Variants in ADTRP observed in about 807,000 individuals in gnomAD.
The protein encoded by ADTRP is androgen dependent TFPI regulating protein.
In ADTRP, 20 loss-of-function variants were observed where a neutral mutation model predicts 27.0. The ratio of observed to expected loss-of-function variants is 0.74; its 90% CI spans 0.52 to 1.08. The LOEUF is 1.08. Among genes scored for constraint, ADTRP ranks in the 50% least tolerant of loss-of-function variants. ADTRP has a pLI of 0.00. For synonymous variants in ADTRP, 101 were observed against 105.2 expected (o/e 0.96, Z 0.25); for missense variants, 251 against 275.0 (o/e 0.91, Z 0.62).
intron 3 of ADTRP, among the ~76,000 whole-genome samples, chr6:11,764,054 C>T (rs189632657): frequency 1.8e-4 from 27 of 152,342 alleles, no homozygotes; most frequent in African/African-American, 6.5e-4. Context: ...TCCTTTGACC[C>T]TTGCTCCTTT....
chr6:11,739,255 A>T (rs1440542691), intron 3 of ADTRP, among the ~76,000 whole-genome samples: 1 of 152,214 alleles, frequency 6.6e-6, no homozygotes, highest in Non-Finnish European at 1.5e-5. Context: ...AGGGGGTAAA[A>T]TATTTCCTTC....
rs78982925 is a variant in ADTRP, at chr6:11,741,953, T to C, written c.391-6270A>G. Among the ~76,000 whole-genome samples, 52 of 152,280 alleles carry C rather than the reference T, an allele frequency of 3.4e-4. No homozygotes were observed. In the East Asian group the frequency reaches 0.01, roughly 29 times the overall value. On this transcript the variant is annotated intron_variant, in intron 3 of 5. Coordinates refer to ENST00000414691, the MANE Select transcript of ADTRP (RefSeq NM_032744.4). ...CACTTTTCTACCAAAATGCTTCCCA[T>C]AGCTGCTTATTCTTTTATCTTCCCA...
At chr6:11,770,099 A>G in intron 1 of ADTRP, 1 of 1,543,300 alleles carries the variant, frequency 6.5e-7, no homozygotes. Flanking sequence ...ACTTCGAAAA[A>G]ATAAAAAAAA....
chr6:11,746,332 T>C (rs918420366), intron 3 of ADTRP, among the ~76,000 whole-genome samples: 6 of 152,130 alleles, frequency 3.9e-5, no homozygotes, highest in African/African-American at 1.2e-4. Context: ...ATAAAGCATA[T>C]AGGAGAAAGC....
intron 3 of ADTRP, among the ~76,000 whole-genome samples, chr6:11,764,995 A>C (rs577437534): frequency 2.7e-4 from 41 of 151,646 alleles, no homozygotes; most frequent in Non-Finnish European, 5.6e-4. Context: ...GACAAGAAAA[A>C]GTTGAGAGGA....
intron 3 of ADTRP, chr6:11,736,088 G>C (rs1484867146): frequency 6.2e-6 from 1 of 161,686 alleles, no homozygotes; most frequent in Admixed American, 6.4e-5. Flanking sequence ...TCAGCCTCCT[G>C]AGTAGCTGGG....
At chr6:11,768,558 C>A (rs1274823646) in intron 1 of ADTRP, among the ~76,000 whole-genome samples, 175 bp from the exon 2 acceptor site, 2 of 152,114 alleles carry the variant, frequency 1.3e-5, no homozygotes, top group Admixed American at 1.3e-4. Flanking sequence ...TGGGTCCTGA[C>A]CCTGCTCGCT....
At chr6:11,744,888 A>T (rs1286731203) in intron 3 of ADTRP, among the ~76,000 whole-genome samples, 1 of 152,212 alleles carries the variant, frequency 6.6e-6, no homozygotes, top group Non-Finnish European at 1.5e-5. Context: ...CACGATGTCA[A>T]GTAAGGGCTC....
intron 4 of ADTRP, among the ~76,000 whole-genome samples, chr6:11,729,422 C>A (rs530669177): frequency 2.3e-4 from 35 of 152,116 alleles, no homozygotes; most frequent in Non-Finnish European, 4.3e-4. Flanking sequence ...CCTTCAGGGC[C>A]CATGGTTTTC....
intron 3 of ADTRP, among the ~76,000 whole-genome samples, chr6:11,743,412 C>T (rs1440589956): frequency 6.6e-6 from 1 of 152,206 alleles, no homozygotes; most frequent in Non-Finnish European, 1.5e-5. Flanking sequence ...TTACTCTGCT[C>T]TCCCACCTGA....
At chr6:11,728,678 A>T (rs917452932) in intron 4 of ADTRP, 2 of 152,222 alleles carry the variant, frequency 1.3e-5, no homozygotes, top group Admixed American at 1.3e-4. Context: ...ACTAGCTTGA[A>T]AGCTCTGCAG....
chr6:11,745,054 C>T (rs749753300), intron 3 of ADTRP, among the ~76,000 whole-genome samples: 32 of 152,214 alleles, frequency 2.1e-4, no homozygotes, highest in Non-Finnish European at 2.2e-4. Context: ...GGCCTTCTCT[C>T]CCTTGCTGAC....
At chr6:11,756,157 G>A (rs543548646) in intron 3 of ADTRP, among the ~76,000 whole-genome samples, 4 of 152,134 alleles carry the variant, frequency 2.6e-5, no homozygotes, top group East Asian at 1.9e-4. Context: ...CAGGTGGGTC[G>A]CTTGAGCTCA....
Position 11,768,127 on chromosome 6 carries a change from T to C in ADTRP, c.288+122A>G, listed in dbSNP as rs576368786. On this transcript the variant is annotated intron_variant, in intron 2 of 5. Transcript: ENST00000414691. ...TGTGGCGCAGTCCTCAGACAGGACA[T>C]TGTTGTAAATGCAGTGGGTGTGGTT... 6.6e-6 allele frequency: 8 copies of C among 1,220,354 alleles called. No individual in the cohort carries two copies. The South Asian group carries it at 1.0e-4, about 16-fold the overall frequency. 75.6% of individuals were successfully genotyped at this position (1,220,354 alleles called of 1,614,324 possible).
Position 11,778,624 on chromosome 6 carries a change from T to C in ADTRP, c.136A>G (p.Met46Val), listed in dbSNP as rs1372978457. ...ILANGARWKYMTLLNLLLQTI... is the reference protein window; with the variant it reads ...ILANGARWKYVTLLNLLLQTI... ...GGACTTACCAGATTAAGCAGCGTCATATATTTCCACCTTGCACCATTTGCC... is the reference window on the plus strand; with the variant it reads ...GGACTTACCAGATTAAGCAGCGTCACATATTTCCACCTTGCACCATTTGCC... Residue 46 changes from methionine (M) to valine (V), a missense_variant, in exon 1 of 6, where the codon ATG becomes GTG. Physicochemically the swap from Met to Val is conservative, Grantham distance 21. Coordinates refer to ENST00000414691, the MANE Select transcript of ADTRP (RefSeq NM_032744.4). 1.9e-6 allele frequency: 3 copies of C among 1,614,230 alleles called. No individual in the cohort carries two copies. Among genetic ancestry groups the C allele is most frequent in the Non-Finnish European group, 2.5e-6 (3 of 1,180,030 alleles).
Position 11,723,336 on chromosome 6 carries a change from G to T in ADTRP, c.658+13C>A. ...AAGAAGCGCATCTGTAGCTAAGAAAGAAATACACTGACCCCATTTCCAGTG... is the reference window on the plus strand; with the variant it reads ...AAGAAGCGCATCTGTAGCTAAGAAATAAATACACTGACCCCATTTCCAGTG... On this transcript the variant is annotated intron_variant, in intron 5 of 5. Coordinates refer to ENST00000414691, the MANE Select transcript of ADTRP (RefSeq NM_032744.4). 1.9e-6 allele frequency: 3 copies of T among 1,613,684 alleles called. No individual in the cohort carries two copies. The East Asian group carries it at 6.7e-5, about 36-fold the overall frequency.
chr6:11,763,504 G>C (rs1763456604), intron 3 of ADTRP, among the ~76,000 whole-genome samples: 1 of 152,232 alleles, frequency 6.6e-6, no homozygotes, highest in Non-Finnish European at 1.5e-5. Flanking sequence ...GAGCTGTACA[G>C]GGGACAGGGC....
chr6:11,760,058 T>C (rs985112376), intron 3 of ADTRP, among the ~76,000 whole-genome samples: 1 of 152,218 alleles, frequency 6.6e-6, no homozygotes, highest in Non-Finnish European at 1.5e-5. Context: ...CATTTTGAAC[T>C]TCTGACCTCC....
At chr6:11,732,762 C>T (rs1446332208) in intron 4 of ADTRP, among the ~76,000 whole-genome samples, 3 of 152,226 alleles carry the variant, frequency 2.0e-5, no homozygotes, top group African/African-American at 7.2e-5. Context: ...AGGTCTCCAT[C>T]CCTTCCCTCC....
Sources: allele counts gnomAD v4.1 joint callset (sites outside exome capture counted in the v4.1 genomes callset), GRCh38; gene constraint gnomAD v4.1.1; transcripts MANE v1.5; gene names NCBI Gene and HGNC (gene_info 2026-07-23, HGNC 2026-07-21).